ZPLD1: variants seen among roughly 807,000 people sequenced by gnomAD.
The protein encoded by ZPLD1 is zona pellucida-like domain-containing protein 1.
A neutral mutation model predicts 47.2 loss-of-function variants in ZPLD1; 34 were observed. The observed-to-expected ratio is 0.72, with a 90% confidence interval of 0.55 to 0.96. The LOEUF (loss-of-function observed/expected upper bound fraction) is 0.96, where lower values mean the gene tolerates loss of function less well. Among genes scored for constraint, ZPLD1 ranks in the 40% least tolerant of loss-of-function variants. ZPLD1 has a pLI of 0.00. For synonymous variants in ZPLD1, 176 were observed against 186.2 expected, an observed-to-expected ratio of 0.95 and a Z score of 0.45; for missense variants, 512 against 505.8, an observed-to-expected ratio of 1.01 and a Z score of -0.12.
intron 7 of ZPLD1, among the ~76,000 whole-genome samples, chr3:102,398,864 T>A (rs1053656401): frequency 2.0e-5 from 3 of 150,804 alleles, no homozygotes; most frequent in Non-Finnish European, 3.0e-5. Context: ...GCTTGTGCTT[T>A]TATGCGTGCG....
chr3:102,426,945 C>T (rs143761181), intron 8 of ZPLD1, among the ~76,000 whole-genome samples: 42 of 152,280 alleles, frequency 2.8e-4, no homozygotes, highest in African/African-American at 9.9e-4. Flanking sequence ...CTAAGAAAAA[C>T]ACTCAGCCAC....
intron 7 of ZPLD1, among the ~76,000 whole-genome samples, chr3:102,400,139 A>C (rs1240042724): frequency 6.6e-6 from 1 of 152,008 alleles, no homozygotes; most frequent in Non-Finnish European, 1.5e-5. Context: ...ATTTTAAAGC[A>C]TAACTCAGTA....
upstream of ZPLD1, among the ~76,000 whole-genome samples, chr3:102,430,795 C>G (rs531170911): frequency 6.6e-6 from 1 of 152,108 alleles, no homozygotes; most frequent in African/African-American, 2.4e-5. Context: ...CCTATCATCT[C>G]TATTGAGAAA....
intron 8 of ZPLD1, among the ~76,000 whole-genome samples, chr3:102,428,739 A>G: frequency 6.6e-6 from 1 of 150,504 alleles, no homozygotes; most frequent in South Asian, 2.1e-4. Context: ...TGTTATATAT[A>G]TGTGTGTGTG....
chr3:102,402,411 A>T (rs1389639966), intron 7 of ZPLD1, among the ~76,000 whole-genome samples: 5 of 152,036 alleles, frequency 3.3e-5, no homozygotes, highest in Non-Finnish European at 7.4e-5. Flanking sequence ...CATCAACTAA[A>T]CTTTTTTATA....
At chr3:102,440,748 AAAG>A (rs1323668582) in intron 3 of ZPLD1, among the ~76,000 whole-genome samples, 2 of 151,458 alleles carry the variant, frequency 1.3e-5, no homozygotes, top group African/African-American at 4.8e-5. Flanking sequence ...AAAAAAAAAA[AAAG>A]AAAGGAGCAA....
In ZPLD1 at chr3:102,406,865, T is replaced by C. The variant is rs74726838; in HGVS notation, c.-156-11195T>C. ...TTTCCAATTATTTATGGTGTCAACA[T>C]GTTTCTTTTATTTATACAATGAGGT... On this transcript the variant is annotated intron_variant, in intron 7 of 17. Coordinates refer to the ZPLD1 transcript ENST00000491959. Among the ~76,000 whole-genome samples, 703 of 151,998 alleles carry C rather than the reference T, an allele frequency of 4.6e-3. 32 individuals carry two copies. In the East Asian group the frequency reaches 0.11, roughly 24 times the overall value.
chr3:102,414,549 A>C (rs1706781955), intron 7 of ZPLD1, among the ~76,000 whole-genome samples: 2 of 151,942 alleles, frequency 1.3e-5, no homozygotes, highest in African/African-American at 4.8e-5. Flanking sequence ...CCAAGAAATA[A>C]GGAAATGCCT....
At position 102,418,845 on chromosome 3, in the gene ZPLD1, T is replaced by A. The variant is rs1706842213; in HGVS notation, c.-9+638T>A. On this transcript the variant is annotated intron_variant, in intron 8 of 17. Coordinates refer to the ZPLD1 transcript ENST00000491959. ...TAGTATTGTTAAAATTGACACAGAATCTCCCATAACCTGGGAGAAGTTATC... is the reference window on the plus strand; with the variant it reads ...TAGTATTGTTAAAATTGACACAGAAACTCCCATAACCTGGGAGAAGTTATC... Among the ~76,000 whole-genome samples, 3 of 151,956 alleles carry A rather than the reference T, an allele frequency of 2.0e-5. No homozygotes were observed. In the South Asian group the frequency reaches 6.2e-4, roughly 31 times the overall value.
chr3:102,397,949 G>A (rs1205611028), intron 7 of ZPLD1, among the ~76,000 whole-genome samples: 1 of 152,078 alleles, frequency 6.6e-6, no homozygotes, highest in Non-Finnish European at 1.5e-5. Flanking sequence ...GGTGAACTAA[G>A]TAATAATTTC....
Position 102,393,259 on chromosome 3 carries a change from G to A in ZPLD1, c.-157+1034G>A, listed in dbSNP as rs113291886. On this transcript the variant is annotated intron_variant, in intron 7 of 17. Transcript: ENST00000491959. The stretch of plus-strand genomic sequence containing the variant: ...AGACACCACGTCAAAGCCAACTACC[G>A]GCCCAGAAGTATATTAAGCGCTTAA... Among the ~76,000 whole-genome samples, 1,168 of 152,166 alleles carry A rather than the reference G, an allele frequency of 7.7e-3. 18 individuals carry two copies. The highest frequency in any genetic ancestry group is 0.027 in the African/African-American group (1,102 of 41,536).
exon 6 of ZPLD1, chr3:102,385,145 C>T (rs1706411420): frequency 1.3e-5 from 2 of 152,182 alleles, no homozygotes; most frequent in Admixed American, 6.5e-5. Flanking sequence ...ATTCGGGACT[C>T]AGTAACTCCA....
At chr3:102,420,046 A>G (rs960851683) in intron 8 of ZPLD1, among the ~76,000 whole-genome samples, 5 of 151,890 alleles carry the variant, frequency 3.3e-5, no homozygotes, top group African/African-American at 9.7e-5. Context: ...GATATGATAA[A>G]GCACTAGACT....
At chr3:102,435,843 C>T (rs997769127) in intron 1 of ZPLD1, among the ~76,000 whole-genome samples, 2 of 151,978 alleles carry the variant, frequency 1.3e-5, no homozygotes, top group Non-Finnish European at 2.9e-5. Context: ...GGTGTTTCAC[C>T]GTATTAGCCA....
At chr3:102,472,806 C>T (rs964180149) in intron 10 of ZPLD1, among the ~76,000 whole-genome samples, 1 of 152,200 alleles carries the variant, frequency 6.6e-6, no homozygotes, top group African/African-American at 2.4e-5. Flanking sequence ...TACCTTCTTA[C>T]TTCCTTCTTG....
At chr3:102,451,474 T>C (rs189299952) in intron 3 of ZPLD1, among the ~76,000 whole-genome samples, 50 of 152,302 alleles carry the variant, frequency 3.3e-4, no homozygotes, top group Admixed American at 2.7e-3. Context: ...TTTTATCTAA[T>C]TGGTATAATA....
At chr3:102,407,067 G>A (rs571202073) in intron 7 of ZPLD1, among the ~76,000 whole-genome samples, 1 of 151,814 alleles carries the variant, frequency 6.6e-6, no homozygotes, top group South Asian at 2.1e-4. Flanking sequence ...ATTAAGGTGT[G>A]ATTCTCCTCA....
intron 6 of ZPLD1, among the ~76,000 whole-genome samples, chr3:102,458,808 G>C (rs1707458951): frequency 6.6e-6 from 1 of 152,214 alleles, no homozygotes; most frequent in East Asian, 1.9e-4. Flanking sequence ...AGAAGCTGTC[G>C]GCCGGGTGCT....
At chr3:102,424,216 TC>T (rs2107308754) in intron 8 of ZPLD1, among the ~76,000 whole-genome samples, 1 of 152,276 alleles carries the variant, frequency 6.6e-6, no homozygotes, top group African/African-American at 2.4e-5. Flanking sequence ...TAAATTGTCC[TC>T]GTCTCTCCAG....
Sources: gnomAD v4.1 joint callset for allele counts (sites outside exome capture counted in the v4.1 genomes callset) on GRCh38, gnomAD v4.1.1 for gene constraint, MANE v1.5 for transcripts, NCBI Gene and HGNC (gene_info 2026-07-23, HGNC 2026-07-21) for gene names.